The following KLF8 variants were observed in gnomAD, a reference collection of about 807,000 sequenced individuals.
KLF8 encodes KLF transcription factor 8.
In KLF8, 10 loss-of-function variants were observed where a neutral mutation model predicts 18.2. The observed-to-expected ratio is 0.55, with a 90% CI of 0.34 to 0.93. KLF8 has a LOEUF of 0.93. Ranked by LOEUF, KLF8 falls within the 40% of genes least tolerant of loss-of-function variation. KLF8 has a pLI of 0.02. For synonymous variants in KLF8, 109 were observed against 97.3 expected (o/e 1.12, Z -0.71); for missense variants, 264 against 277.9 (o/e 0.95, Z 0.36).
At chrX:56,204,494 G>A in the KLF8 span, among the ~76,000 whole-genome samples, 1 of 111,452 alleles carries the variant, frequency 9.0e-6, no homozygotes, top group Admixed American at 9.6e-5. Flanking sequence ...TCCTTGTTGT[G>A]TTACGGATCT....
chrX:56,155,798 A>G, the KLF8 span, among the ~76,000 whole-genome samples: 1 of 110,364 alleles, frequency 9.1e-6, no homozygotes, highest in Non-Finnish European at 1.9e-5. Flanking sequence ...TAGTTTTTTA[A>G]CCCCCACCTC....
chrX:55,926,011 C>T, the KLF8 span, among the ~76,000 whole-genome samples: 2 of 111,412 alleles, frequency 1.8e-5, no homozygotes, highest in Admixed American at 1.9e-4. Flanking sequence ...TATAAACAGT[C>T]CAATTATACT....
the KLF8 span, among the ~76,000 whole-genome samples, chrX:56,072,593 G>A: frequency 8.9e-6 from 1 of 111,752 alleles, no homozygotes; most frequent in African/African-American, 3.2e-5. Flanking sequence ...TTTGTCAGCT[G>A]ATAAATCCAT....
the KLF8 span, among the ~76,000 whole-genome samples, chrX:56,024,510 G>A: frequency 9.0e-6 from 1 of 111,652 alleles, no homozygotes; most frequent in Non-Finnish European, 1.9e-5. Flanking sequence ...AGGTAGTGAA[G>A]GAAGTGGCTT....
intron 2 of KLF8, among the ~76,000 whole-genome samples, chrX:56,263,211 T>C (rs1461519082): frequency 9.0e-6 from 1 of 111,467 alleles, no homozygotes; most frequent in Non-Finnish European, 1.9e-5. Context: ...TCCCCCCTTA[T>C]CTGGATGGGT....
chrX:56,123,870 C>T, the KLF8 span, among the ~76,000 whole-genome samples: 3 of 111,626 alleles, frequency 2.7e-5, no homozygotes, highest in African/African-American at 9.8e-5. Context: ...AGGCACTGGT[C>T]CAGCACTTCA....
chrX:55,961,774 C>T, the KLF8 span: 23 of 310,278 alleles, frequency 7.4e-5, no homozygotes, highest in Non-Finnish European at 1.2e-4. Context: ...CTTCACAGGT[C>T]GTATGGAGGA....
the KLF8 span, among the ~76,000 whole-genome samples, chrX:56,040,554 C>T: frequency 9.0e-6 from 1 of 111,253 alleles, no homozygotes; most frequent in South Asian, 3.8e-4. Context: ...TTGAACCAAC[C>T]TTGCATCTCT....
chrX:55,946,777 AAC>A, the KLF8 span, among the ~76,000 whole-genome samples: 1 of 111,101 alleles, frequency 9.0e-6, no homozygotes, highest in Non-Finnish European at 1.9e-5. Context: ...AATCAACTCA[AAC>A]AAATTTACAA....
the KLF8 span, among the ~76,000 whole-genome samples, chrX:55,998,677 ACTT>A: frequency 1.8e-5 from 2 of 111,282 alleles, no homozygotes; most frequent in Non-Finnish European, 3.8e-5. Context: ...TCCCATGTCT[ACTT>A]CTTTCTACAC....
At chrX:55,928,505 C>T in the KLF8 span, among the ~76,000 whole-genome samples, 1,680 of 111,235 alleles carry the variant, frequency 0.015, 27 homozygotes, top group African/African-American at 0.052. Flanking sequence ...TACTGCTATC[C>T]CTCCCCTAGT....
At chrX:56,109,575 G>T in the KLF8 span, among the ~76,000 whole-genome samples, 1 of 110,549 alleles carries the variant, frequency 9.0e-6, no homozygotes, top group African/African-American at 3.3e-5. Context: ...GATTATTATT[G>T]AAATTAGAAC....
At chrX:56,244,771 C>T (rs766752331) in intron 1 of KLF8, among the ~76,000 whole-genome samples, 5 of 112,346 alleles carry the variant, frequency 4.5e-5, no homozygotes, top group Non-Finnish European at 9.4e-5. Flanking sequence ...TAAATGTGTA[C>T]TGTAGTCTTT....
chrX:56,166,526 A>G, the KLF8 span, among the ~76,000 whole-genome samples: 2 of 112,314 alleles, frequency 1.8e-5, no homozygotes, highest in African/African-American at 6.5e-5. Flanking sequence ...ATTTGTAGAT[A>G]CATTAAGAAC....
chrX:56,171,751 T>C, the KLF8 span, among the ~76,000 whole-genome samples: 5 of 112,043 alleles, frequency 4.5e-5, no homozygotes, highest in Non-Finnish European at 9.4e-5. Context: ...ATGTGCCACA[T>C]TTTCTTAATC....
rs192103803 is a variant in KLF8, at chrX:56,290,878, G to C, written c.*6384G>C. On this transcript the variant is annotated 3_prime_UTR_variant, in exon 6 of 6. Coordinates refer to ENST00000468660, the MANE Select transcript of KLF8 (RefSeq NM_007250.5). ...TTCCATTTCCTTTTCTGGTGTTGGG[G>C]TGGGGTCAGGGGAAGAGATACTATT... 5.4e-5 allele frequency among the ~76,000 whole-genome samples: 6 copies of C among 111,471 alleles called. No individual in the cohort carries two copies. Among genetic ancestry groups the C allele is most frequent in the Non-Finnish European group, 3.8e-5 (2 of 53,061 alleles).
chrX:56,075,093 CT>C, the KLF8 span, among the ~76,000 whole-genome samples: 1 of 110,222 alleles, frequency 9.1e-6, no homozygotes, highest in Non-Finnish European at 1.9e-5. Flanking sequence ...ATATTTAGGT[CT>C]TCTTTAATTT....
At chrX:56,139,335 G>A in the KLF8 span, among the ~76,000 whole-genome samples, 5 of 111,428 alleles carry the variant, frequency 4.5e-5, no homozygotes, top group African/African-American at 6.5e-5. Flanking sequence ...AAAAGAGCTC[G>A]AACGGCCAAA....
the KLF8 span, among the ~76,000 whole-genome samples, chrX:56,066,785 G>T: frequency 1.8e-5 from 2 of 110,745 alleles, no homozygotes; most frequent in East Asian, 2.9e-4. Flanking sequence ...CTTCCAAATG[G>T]TGCCTTGTAA....
Sources: allele counts gnomAD v4.1 joint callset (sites outside exome capture counted in the v4.1 genomes callset), GRCh38; gene constraint gnomAD v4.1.1; transcripts MANE v1.5; gene names NCBI Gene and HGNC (gene_info 2026-07-23, HGNC 2026-07-21).